SLC39A10: variants seen among roughly 807,000 people sequenced by gnomAD.
SLC39A10 encodes the protein zinc transporter ZIP10.
Under a neutral mutation model 65.1 loss-of-function variants are expected in SLC39A10, and 13 were observed. That is an observed-to-expected ratio of 0.20 (90% CI 0.13 to 0.32). The LOEUF (loss-of-function observed/expected upper bound fraction) is 0.32, where lower values mean the gene tolerates loss of function less well. SLC39A10 is among the 10% of genes least tolerant of loss of function. The pLI is 1.00. For synonymous variants in SLC39A10, 321 were observed against 342.2 expected (o/e 0.94, Z 0.68); for missense variants, 831 against 1,018.4 (o/e 0.82, Z 2.50).
intron 3 of SLC39A10, among the ~76,000 whole-genome samples, chr2:195,704,716 C>T (rs1691329585): frequency 6.6e-6 from 1 of 152,090 alleles, no homozygotes; most frequent in African/African-American, 2.4e-5. Context: ...TTGACATCAG[C>T]TCCCCGCGGT....
intron 2 of SLC39A10, among the ~76,000 whole-genome samples, chr2:195,642,748 A>C (rs1227935141): frequency 1.3e-5 from 2 of 152,182 alleles, no homozygotes; most frequent in Non-Finnish European, 2.9e-5. Flanking sequence ...TTGCGTTTTT[A>C]ATAAGAGCCC....
chr2:195,615,164 T>C (rs746856483), intron 2 of SLC39A10, among the ~76,000 whole-genome samples: 1 of 152,204 alleles, frequency 6.6e-6, no homozygotes, highest in Non-Finnish European at 1.5e-5. Context: ...TAAAGTTCTC[T>C]AGAGCAGAAC....
At chr2:195,613,054 T>C (rs1035135622) in intron 2 of SLC39A10, among the ~76,000 whole-genome samples, 1 of 152,184 alleles carries the variant, frequency 6.6e-6, no homozygotes, top group Non-Finnish European at 1.5e-5. Flanking sequence ...GGAAAGAGAC[T>C]GAACTTACTC....
At chr2:195,734,365 A>G (rs1298582024) in intron 9 of SLC39A10, among the ~76,000 whole-genome samples, 2 of 151,766 alleles carry the variant, frequency 1.3e-5, no homozygotes, top group Admixed American at 1.3e-4. Context: ...GTTTCACCAT[A>G]TTGGCCAGGC....
chr2:195,680,871 C>G lies in SLC39A10; in HGVS notation c.829C>G (p.His277Asp), dbSNP rs1217627521. The G allele has an allele frequency of 6.2e-7, 1 of 1,614,110 alleles. No homozygotes were observed. Among genetic ancestry groups the G allele is most frequent in the South Asian group, 1.1e-5 (1 of 91,070 alleles). ...ACCTGATCGTGTACATAACCCAGGT[C>G]ATTCTCATGTACATCTTCCAGAACG... The part of the protein sequence containing the change: ...HKPDRVHNPG[H>D]SHVHLPERNG... Residue 277 changes from histidine to aspartate, a missense_variant, in exon 2 of 10, where the codon CAT becomes GAT. Coordinates refer to ENST00000359634, the MANE Select transcript of SLC39A10 (RefSeq NM_020342.3).
intron 2 of SLC39A10, among the ~76,000 whole-genome samples, chr2:195,618,819 G>A (rs1688283790): frequency 6.6e-6 from 1 of 152,032 alleles, no homozygotes; most frequent in African/African-American, 2.4e-5. Flanking sequence ...GAGGTCAGGT[G>A]CGGTGGCTCA....
chr2:195,708,706 T>G lies in SLC39A10; in HGVS notation c.1437T>G (p.His479Gln). 3 of 1,612,860 alleles carry G rather than the reference T, an allele frequency of 1.9e-6. No homozygotes were observed. The highest frequency in any genetic ancestry group is 2.5e-6 in the Non-Finnish European group (3 of 1,179,420). The change falls in exon 5 of 10, where the codon CAT (histidine) becomes CAG (glutamine). Residue 479 changes from histidine (H) to glutamine (Q), a missense_variant. Transcript: ENST00000359634. Reference protein sequence around the residue: ...HSHQHAHGHGHSHGHESNKFL... With the variant: ...HSHQHAHGHGQSHGHESNKFL... ...ACCAACATGCACATGGGCATGGACA[T>G]TCTCATGGACATGAATCTAACAAGT...
At chr2:195,652,573 A>T (rs1689060098), upstream of SLC39A10, among the ~76,000 whole-genome samples, 1 of 151,654 alleles carries the variant, frequency 6.6e-6, no homozygotes, top group South Asian at 2.1e-4. Flanking sequence ...AAGAAAGAAA[A>T]TTTTAAAAAA....
chr2:195,691,587 G>T (rs543960675), intron 3 of SLC39A10, among the ~76,000 whole-genome samples: 1 of 152,070 alleles, frequency 6.6e-6, no homozygotes, highest in African/African-American at 2.4e-5. Flanking sequence ...ATCACATTGC[G>T]GTTTTGATTT....
intron 2 of SLC39A10, among the ~76,000 whole-genome samples, chr2:195,633,803 C>G (rs1255024882): frequency 6.6e-6 from 1 of 152,094 alleles, no homozygotes; most frequent in African/African-American, 2.4e-5. Context: ...GCTGCTTCTT[C>G]TCCTCTTGAT....
chr2:195,657,675 A>AG (rs1310179845), intron 1 of SLC39A10: 1 of 973,734 alleles, frequency 1.0e-6, no homozygotes, highest in Non-Finnish European at 1.2e-6. Context: ...GGCGGCGGTT[A>AG]GGGGGCTGCG....
At chr2:195,644,486 C>A (rs892345029) in intron 2 of SLC39A10, among the ~76,000 whole-genome samples, 1 of 151,708 alleles carries the variant, frequency 6.6e-6, no homozygotes, top group Non-Finnish European at 1.5e-5. Context: ...GGATTACAGG[C>A]ATGCACCACC....
intron 2 of SLC39A10, among the ~76,000 whole-genome samples, chr2:195,614,029 C>T (rs921723849): frequency 2.6e-5 from 4 of 152,148 alleles, no homozygotes; most frequent in African/African-American, 9.7e-5. Flanking sequence ...GAGCTGTTGA[C>T]AGTCTCTAGT....
chr2:195,676,337 C>G (rs1369631820), intron 1 of SLC39A10, among the ~76,000 whole-genome samples: 1 of 151,510 alleles, frequency 6.6e-6, no homozygotes, highest in Non-Finnish European at 1.5e-5. Flanking sequence ...TTATAGGCGC[C>G]TGCCACAGCG....
intron 3 of SLC39A10, among the ~76,000 whole-genome samples, chr2:195,686,206 T>C (rs1396284244): frequency 1.3e-5 from 2 of 152,132 alleles, no homozygotes; most frequent in Admixed American, 6.5e-5. Context: ...AGGAATAAGG[T>C]AGACATCCCA....
intron 2 of SLC39A10, among the ~76,000 whole-genome samples, chr2:195,619,874 C>T (rs546726491): frequency 1.3e-4 from 20 of 152,124 alleles, no homozygotes; most frequent in African/African-American, 4.1e-4. Flanking sequence ...GCCTCCAGGA[C>T]TTTATTTATT....
chr2:195,652,521 C>A (rs1402719298), upstream of SLC39A10, among the ~76,000 whole-genome samples: 2 of 148,710 alleles, frequency 1.3e-5, no homozygotes, highest in Non-Finnish European at 3.0e-5. Flanking sequence ...TGCACTCCAG[C>A]CTGGGCAACA....
At chr2:195,727,634 G>A (rs1331815204) in intron 8 of SLC39A10, among the ~76,000 whole-genome samples, 5 of 152,134 alleles carry the variant, frequency 3.3e-5, no homozygotes, top group African/African-American at 7.2e-5. Flanking sequence ...GTAGAAGTTC[G>A]AGCAGGGAGG....
At chr2:195,667,420 G>A (rs1689675462) in intron 1 of SLC39A10, among the ~76,000 whole-genome samples, 1 of 152,214 alleles carries the variant, frequency 6.6e-6, no homozygotes, top group African/African-American at 2.4e-5. Flanking sequence ...GGTGTAGTGA[G>A]TCTTTCCAAC....
Sources: gnomAD v4.1 joint callset for allele counts (sites outside exome capture counted in the v4.1 genomes callset) on GRCh38, gnomAD v4.1.1 for gene constraint, MANE v1.5 for transcripts, NCBI Gene and HGNC (gene_info 2026-07-23, HGNC 2026-07-21) for gene names.